EVI5: variants seen among roughly 807,000 people sequenced by gnomAD.
The protein encoded by EVI5 is ecotropic viral integration site 5.
EVI5 carries 73 observed loss-of-function variants against 112.0 expected under a neutral mutation model. The observed-to-expected ratio is 0.65, with a 90% CI of 0.54 to 0.79. EVI5 has a LOEUF of 0.79. Among genes scored for constraint, EVI5 ranks in the 30% least tolerant of loss-of-function variants. EVI5 has a pLI of 0.00. For synonymous variants in EVI5, 305 were observed against 319.9 expected, an observed-to-expected ratio of 0.95 and a Z score of 0.50; for missense variants, 900 against 968.8, an observed-to-expected ratio of 0.93 and a Z score of 0.94.
chr1:92,569,622 G>A (rs1157719288), intron 18 of EVI5, among the ~76,000 whole-genome samples: 4 of 151,958 alleles, frequency 2.6e-5, no homozygotes, highest in Admixed American at 6.6e-5. Flanking sequence ...TTGGGAGGCC[G>A]AGGCAGGCGG....
intron 2 of EVI5, among the ~76,000 whole-genome samples, chr1:92,720,806 A>G (rs1474842762): frequency 6.6e-6 from 1 of 152,230 alleles, no homozygotes; most frequent in African/African-American, 2.4e-5. Context: ...TAAAATCTAC[A>G]AAGAACTTAA....
chr1:92,618,314 G>A (rs1271785736), intron 16 of EVI5, among the ~76,000 whole-genome samples: 2 of 152,146 alleles, frequency 1.3e-5, no homozygotes, highest in African/African-American at 2.4e-5. Context: ...TAGTTCCAGA[G>A]GGAGGAACGC....
intron 1 of EVI5, among the ~76,000 whole-genome samples, chr1:92,765,527 TA>T (rs77206179): frequency 1.1e-3 from 161 of 141,096 alleles, no homozygotes; most frequent in Admixed American, 1.1e-3. Flanking sequence ...TTTTTCTGAT[TA>T]AAAAAAAAAA....
chr1:92,637,590 A>T (rs929412553), intron 13 of EVI5, among the ~76,000 whole-genome samples: 15 of 152,228 alleles, frequency 9.9e-5, no homozygotes, highest in Non-Finnish European at 1.9e-4. Flanking sequence ...TATGTAATTC[A>T]TCATTATAAA....
intron 19 of EVI5, 65 bp downstream of exon 19, chr1:92,563,577 A>G (rs1376557372): frequency 1.3e-6 from 1 of 758,776 alleles, no homozygotes; most frequent in Middle Eastern, 3.0e-4. Flanking sequence ...AACCAGTAAT[A>G]AAGTGTTGTT....
At chr1:92,679,015 C>G (rs1667185648) in intron 9 of EVI5, among the ~76,000 whole-genome samples, 1 of 152,154 alleles carries the variant, frequency 6.6e-6, no homozygotes, top group African/African-American at 2.4e-5. Context: ...CAGTCTGTGG[C>G]CTGTTAGGAA....
At chr1:92,775,083 A>G (rs1197946500) in intron 1 of EVI5, among the ~76,000 whole-genome samples, 14 of 152,272 alleles carry the variant, frequency 9.2e-5, no homozygotes, top group Non-Finnish European at 1.5e-5. Context: ...AAAGTAAAAT[A>G]CAGTCATGCA....
At chr1:92,718,532 C>T (rs1316654378) in intron 2 of EVI5, among the ~76,000 whole-genome samples, 2 of 152,302 alleles carry the variant, frequency 1.3e-5, no homozygotes, top group South Asian at 2.1e-4. Context: ...TTCTGGGACA[C>T]ATTTAAAGCA....
intron 1 of EVI5, among the ~76,000 whole-genome samples, chr1:92,791,861 A>T (rs1296530135): frequency 6.6e-6 from 1 of 152,200 alleles, no homozygotes; most frequent in African/African-American, 2.4e-5. Context: ...GGGAGGCAAC[A>T]CTTCTGAAAT....
chr1:92,624,023 A>C (rs1337112866), intron 16 of EVI5, among the ~76,000 whole-genome samples, 153 bp downstream of exon 16: 2 of 152,112 alleles, frequency 1.3e-5, no homozygotes, highest in Non-Finnish European at 1.5e-5. Context: ...CAATATAATA[A>C]TTTTTTGCCA....
chr1:92,578,027 T>TTAC (rs1671349280), intron 18 of EVI5, among the ~76,000 whole-genome samples: 1 of 152,216 alleles, frequency 6.6e-6, no homozygotes, highest in African/African-American at 2.4e-5. Context: ...TATATTTCAT[T>TTAC]TACTAGTGAT....
chr1:92,626,927 C>A (rs1256653284), intron 14 of EVI5, among the ~76,000 whole-genome samples: 1 of 152,184 alleles, frequency 6.6e-6, no homozygotes, highest in African/African-American at 2.4e-5. Flanking sequence ...TTTACATCAA[C>A]AGTCAAGAAA....
chr1:92,700,186 T>C (rs965530204), intron 5 of EVI5, among the ~76,000 whole-genome samples: 4 of 152,228 alleles, frequency 2.6e-5, no homozygotes, highest in Non-Finnish European at 5.9e-5. Context: ...AATGTGCTGC[T>C]ACATAACTTT....
At chr1:92,671,190 C>T (rs1665820497) in intron 10 of EVI5, among the ~76,000 whole-genome samples, 1 of 152,152 alleles carries the variant, frequency 6.6e-6, no homozygotes, top group Admixed American at 6.5e-5. Flanking sequence ...TTCTGCTCCA[C>T]TCGTTTCTAG....
intron 13 of EVI5, among the ~76,000 whole-genome samples, chr1:92,642,452 A>G (rs781628061): frequency 1.3e-5 from 2 of 152,252 alleles, no homozygotes; most frequent in East Asian, 1.9e-4. Flanking sequence ...TTACCAAATT[A>G]TAAGTGTAAA....
intron 10 of EVI5, among the ~76,000 whole-genome samples, chr1:92,667,577 C>T (rs1315961619): frequency 1.3e-5 from 2 of 152,140 alleles, no homozygotes; most frequent in Non-Finnish European, 2.9e-5. Flanking sequence ...TGCATATCCA[C>T]CAGTATAATT....
intron 2 of EVI5, among the ~76,000 whole-genome samples, chr1:92,711,907 T>C (rs1395155860): frequency 1.2e-4 from 19 of 152,082 alleles, no homozygotes; most frequent in African/African-American, 4.8e-5. Context: ...AAGCCCAAGA[T>C]CAAGGCACCA....
chr1:92,648,450 T>C (rs1661430681), intron 13 of EVI5, among the ~76,000 whole-genome samples: 1 of 152,030 alleles, frequency 6.6e-6, no homozygotes, highest in African/African-American at 2.4e-5. Context: ...ATATTAAGAA[T>C]GTTGTATGAC....
Position 92,784,957 on chromosome 1 carries a change from C to A in EVI5, c.-203G>T, listed in dbSNP as rs1356504646. The A allele has an allele frequency of 7.1e-6, 7 of 985,700 alleles. No individual in the cohort carries two copies. Among genetic ancestry groups the A allele is most frequent in the Non-Finnish European group, 7.2e-6 (6 of 830,256 alleles). 61.1% of individuals were successfully genotyped at this position (985,700 alleles called of 1,614,324 possible). A position where few individuals can be genotyped will look rare whatever the true frequency, so the allele number is the denominator to read the frequency against. ...TCCACGGGTCGCCCGTCCCGAGTTC[C>A]CAAAAGCACCACGCTCACTCAGAAG... On this transcript the variant is annotated 5_prime_UTR_variant, in exon 1 of 20. Transcript: ENST00000684568.
Sources: gnomAD v4.1 joint callset for allele counts (sites outside exome capture counted in the v4.1 genomes callset) on GRCh38, gnomAD v4.1.1 for gene constraint, MANE v1.5 for transcripts, NCBI Gene and HGNC (gene_info 2026-07-23, HGNC 2026-07-21) for gene names.